ITPR1: variants seen among roughly 807,000 people sequenced by gnomAD.
ITPR1 encodes inositol 1,4,5-trisphosphate-gated calcium channel ITPR1.
A neutral mutation model predicts 318.4 loss-of-function variants in ITPR1; 96 were observed. The observed-to-expected ratio is 0.30, with a 90% CI of 0.26 to 0.36. The LOEUF (loss-of-function observed/expected upper bound fraction) is 0.36. Ranked by LOEUF, ITPR1 falls within the 10% of genes least tolerant of loss-of-function variation. ITPR1 has a pLI of 1.00. For missense variants in ITPR1, 2,440 were observed against 3,460.2 expected (o/e 0.71, Z 7.40); for synonymous variants, 1,312 against 1,289.9 (o/e 1.02, Z -0.37).
At chr3:4,567,593 G>A (rs59060606) in intron 4 of ITPR1, among the ~76,000 whole-genome samples, 15,778 of 138,270 alleles carry the variant, frequency 0.11, 1,423 homozygotes, top group African/African-American at 0.25. Context: ...GGGAGGTGAC[G>A]CTTGAGCTAG....
At chr3:4,796,085 CTT>C (rs1253213181) in intron 53 of ITPR1, among the ~76,000 whole-genome samples, 2 of 152,172 alleles carry the variant, frequency 1.3e-5, no homozygotes, top group Non-Finnish European at 2.9e-5. Context: ...AGGCTCCACT[CTT>C]TAGCTTAATC....
chr3:4,673,069 G>C (rs2094119414), intron 20 of ITPR1, 67 bp from the exon 21 acceptor site: 1 of 1,542,536 alleles, frequency 6.5e-7, no homozygotes, highest in African/African-American at 1.4e-5. Context: ...GGGCTGCCCA[G>C]ACGACCCTTC....
At chr3:4,591,862 C>T (rs947475913) in intron 4 of ITPR1, among the ~76,000 whole-genome samples, 4 of 151,984 alleles carry the variant, frequency 2.6e-5, no homozygotes, top group Admixed American at 2.6e-4. Flanking sequence ...TTTAAGTCTT[C>T]ATTTGGAGCA....
At chr3:4,709,584 T>A (rs1425088166) in intron 37 of ITPR1, among the ~76,000 whole-genome samples, 3 of 152,234 alleles carry the variant, frequency 2.0e-5, no homozygotes, top group Non-Finnish European at 4.4e-5. Flanking sequence ...GGCTTTAGCA[T>A]CTTTTGAAGA....
At chr3:4,584,846 T>TCATAGGGGA (rs1197033020) in intron 4 of ITPR1, among the ~76,000 whole-genome samples, 1 of 152,080 alleles carries the variant, frequency 6.6e-6, no homozygotes, top group Non-Finnish European at 1.5e-5. Flanking sequence ...ACTGTCCCCA[T>TCATAGGGGA]CATAGGAGAT....
At chr3:4,706,597 T>A (rs1451811114) in intron 37 of ITPR1, among the ~76,000 whole-genome samples, 1 of 152,170 alleles carries the variant, frequency 6.6e-6, no homozygotes, top group Non-Finnish European at 1.5e-5. Flanking sequence ...TGGTGAAAAA[T>A]TGGGACTCTG....
At chr3:4,647,411 A>G (rs1369331964) in intron 10 of ITPR1, among the ~76,000 whole-genome samples, 3 of 152,240 alleles carry the variant, frequency 2.0e-5, no homozygotes, top group African/African-American at 7.2e-5. Flanking sequence ...TCTCTGAATT[A>G]AATACCTAGC....
chr3:4,624,178 G>A (rs1284193570), intron 4 of ITPR1, among the ~76,000 whole-genome samples: 3 of 152,158 alleles, frequency 2.0e-5, no homozygotes, highest in South Asian at 2.1e-4. Flanking sequence ...ATCATATGAA[G>A]CATGCTGGAG....
chr3:4,673,024 GT>G (rs2094118554), intron 20 of ITPR1, 111 bp from the exon 21 acceptor site: 2 of 1,185,972 alleles, frequency 1.7e-6, no homozygotes, highest in African/African-American at 1.5e-5. Flanking sequence ...TGATGTATGA[GT>G]TTAGTTGGCC....
intron 5 of ITPR1, among the ~76,000 whole-genome samples, chr3:4,635,770 G>T (rs143328087): frequency 1.7e-4 from 26 of 152,294 alleles, no homozygotes; most frequent in African/African-American, 4.3e-4. Flanking sequence ...TGTAGTGTTT[G>T]TACCTTGTTA....
chr3:4,768,484 C>A, intron 45 of ITPR1, 27 bp from the exon 46 acceptor site: 2 of 1,583,300 alleles, frequency 1.3e-6, no homozygotes, highest in South Asian at 2.3e-5. Flanking sequence ...ACTCTGCAGC[C>A]TTTCATGCCT....
chr3:4,646,040 A>C, intron 10 of ITPR1: 1 of 272,144 alleles, frequency 3.7e-6, no homozygotes, highest in Non-Finnish European at 7.1e-6. Flanking sequence ...AACAAATTCA[A>C]AAACGAAATT....
chr3:4,570,423 A>G (rs1407186064), intron 4 of ITPR1, among the ~76,000 whole-genome samples: 2 of 152,234 alleles, frequency 1.3e-5, no homozygotes, highest in African/African-American at 4.8e-5. Flanking sequence ...AACAATTACA[A>G]GTAGACCATG....
At chr3:4,571,289 A>G (rs1431611104) in intron 4 of ITPR1, among the ~76,000 whole-genome samples, 3 of 152,132 alleles carry the variant, frequency 2.0e-5, no homozygotes, top group Non-Finnish European at 4.4e-5. Context: ...ATTTTTATTG[A>G]TAACACGTAA....
chr3:4,736,693 G>T (rs1191419321), intron 44 of ITPR1, among the ~76,000 whole-genome samples: 1 of 152,212 alleles, frequency 6.6e-6, no homozygotes, highest in Non-Finnish European at 1.5e-5. Context: ...GTGTGTGTGG[G>T]TGGGTCCTGC....
intron 2 of ITPR1, among the ~76,000 whole-genome samples, chr3:4,502,519 C>T (rs1376663369): frequency 2.6e-5 from 4 of 151,840 alleles, no homozygotes; most frequent in Non-Finnish European, 5.9e-5. Flanking sequence ...CAGCTCACTG[C>T]AACCTCCGCC....
intron 13 of ITPR1, among the ~76,000 whole-genome samples, chr3:4,659,548 A>G (rs1245943107): frequency 6.6e-6 from 1 of 152,068 alleles, no homozygotes; most frequent in African/African-American, 2.4e-5. Flanking sequence ...TTAACCGGGC[A>G]TGGTGGCACA....
In ITPR1 at chr3:4,779,710, A is replaced by T; in HGVS notation, c.6387+65A>T. The T allele has an allele frequency of 1.8e-6, 2 of 1,136,596 alleles. No homozygotes were observed. Among genetic ancestry groups the T allele is most frequent in the Non-Finnish European group, 2.6e-6 (2 of 756,164 alleles). The allele number at this position is 1,136,596 out of a possible 1,614,324, so 70.4% of individuals were successfully genotyped here. ...ATTGCGACGATATTTGGGACAGAGC[A>T]GAGGATCTGCTTCCTGGAGCTTTCT... On this transcript the variant is annotated intron_variant, in intron 49 of 61. Coordinates refer to ENST00000649015, the MANE Select transcript of ITPR1 (RefSeq NM_001378452.1). The surrounding 1 kb of genome is among the most constrained non-coding windows in gnomAD (Gnocchi z 4.0).
rs112693174 is a variant in ITPR1, at chr3:4,657,386, G to GTTTTTT, written c.997-733_997-728dup. ...GCTCCTGCGGATGGATGTACCTAGA[G>GTTTTTT]TTTTTTTTTTGTTTTTTTTTTTTAA... On this transcript the variant is annotated intron_variant, in intron 12 of 61. Transcript: ENST00000649015. Among the ~76,000 whole-genome samples the GTTTTTT allele has an allele frequency of 5.5e-3, 738 of 133,062 alleles. 44 individuals carry two copies. Among genetic ancestry groups the GTTTTTT allele is most frequent in the African/African-American group, 0.022 (705 of 32,626 alleles). 87.3% of individuals were successfully genotyped at this position (133,062 alleles called of 152,430 possible). A position where few individuals can be genotyped will look rare whatever the true frequency, so the allele number is the denominator to read the frequency against.
Sources: allele counts gnomAD v4.1 joint callset (sites outside exome capture counted in the v4.1 genomes callset), GRCh38; gene constraint gnomAD v4.1.1; non-coding constraint Gnocchi (gnomAD v3.1); transcripts MANE v1.5; gene names NCBI Gene and HGNC (gene_info 2026-07-23, HGNC 2026-07-21).